The following ADGRL2 variants were observed in gnomAD, a reference collection of about 807,000 sequenced individuals.
ADGRL2 encodes the protein calcium-independent alpha-latrotoxin receptor 2.
ADGRL2 carries 44 observed loss-of-function variants against 157.4 expected under a neutral mutation model. The ratio of observed to expected loss-of-function variants is 0.28; its 90% confidence interval spans 0.22 to 0.36. The LOEUF is 0.36. Ranked by LOEUF, ADGRL2 falls within the 10% of genes least tolerant of loss-of-function variation. The pLI is 1.00. For synonymous variants in ADGRL2, 585 were observed against 624.7 expected, an observed-to-expected ratio of 0.94 and a Z score of 0.95; for missense variants, 1,510 against 1,768.9, an observed-to-expected ratio of 0.85 and a Z score of 2.63.
intron 2 of ADGRL2, among the ~76,000 whole-genome samples, chr1:81,472,487 C>T (rs945959259): frequency 7.2e-5 from 11 of 152,160 alleles, no homozygotes; most frequent in Admixed American, 1.3e-4. Context: ...AAAAATTAGC[C>T]GGGGGTGGTG....
intron 1 of ADGRL2, among the ~76,000 whole-genome samples, chr1:81,737,051 G>A (rs1211196431): frequency 6.6e-6 from 1 of 151,696 alleles, no homozygotes; most frequent in Non-Finnish European, 1.5e-5. Flanking sequence ...AGCCAGCATG[G>A]TCTCGATCTC....
chr1:81,437,083 G>A (rs770346110), intron 1 of ADGRL2, among the ~76,000 whole-genome samples: 26 of 152,074 alleles, frequency 1.7e-4, no homozygotes, highest in Non-Finnish European at 3.4e-4. Context: ...ATTATAATTT[G>A]TTCAATTTAT....
At chr1:81,592,979 A>G (rs2081162618) in intron 3 of ADGRL2, among the ~76,000 whole-genome samples, 1 of 152,150 alleles carries the variant, frequency 6.6e-6, no homozygotes, top group Non-Finnish European at 1.5e-5. Flanking sequence ...ATTTATCCCA[A>G]TTACACTTCT....
intron 2 of ADGRL2, among the ~76,000 whole-genome samples, chr1:81,476,576 G>T (rs1040302226): frequency 6.6e-6 from 1 of 151,954 alleles, no homozygotes; most frequent in African/African-American, 2.4e-5. Context: ...TTGAAACGTT[G>T]TGCCTGCTTA....
At chr1:81,348,677 T>C (rs763388759) in intron 1 of ADGRL2, among the ~76,000 whole-genome samples, 13 of 152,090 alleles carry the variant, frequency 8.5e-5, no homozygotes, top group Non-Finnish European at 1.9e-4. Flanking sequence ...GGTCTAACAA[T>C]GAATAGGTTT....
At chr1:81,514,258 T>G (rs1424154084) in intron 2 of ADGRL2, among the ~76,000 whole-genome samples, 1 of 152,118 alleles carries the variant, frequency 6.6e-6, no homozygotes, top group Admixed American at 6.5e-5. Flanking sequence ...AGAGTATATA[T>G]TTATTGGAGG....
intron 2 of ADGRL2, among the ~76,000 whole-genome samples, chr1:81,520,345 G>A (rs1191322150): frequency 2.0e-5 from 3 of 151,984 alleles, no homozygotes; most frequent in Admixed American, 6.6e-5. Flanking sequence ...AGCTGTGAGT[G>A]ACATAAAAAC....
intron 2 of ADGRL2, among the ~76,000 whole-genome samples, chr1:81,459,900 G>A (rs549642996): frequency 1.3e-5 from 2 of 151,246 alleles, no homozygotes; most frequent in South Asian, 2.1e-4. Context: ...TTTTTAATTT[G>A]GAGTGTTTTA....
chr1:81,869,290 G>A (rs944450466), intron 2 of ADGRL2, among the ~76,000 whole-genome samples: 2 of 151,420 alleles, frequency 1.3e-5, no homozygotes, highest in East Asian at 1.9e-4. Flanking sequence ...AAAGACTGTC[G>A]AGAATATAAA....
intron 3 of ADGRL2, among the ~76,000 whole-genome samples, chr1:81,612,257 T>C (rs1407698754): frequency 6.6e-6 from 1 of 152,078 alleles, no homozygotes; most frequent in African/African-American, 2.4e-5. Flanking sequence ...AAAATGGAAA[T>C]GCAAAGAAGT....
chr1:81,368,886 G>T (rs1005163760), intron 1 of ADGRL2, among the ~76,000 whole-genome samples: 1 of 152,016 alleles, frequency 6.6e-6, no homozygotes, highest in Non-Finnish European at 1.5e-5. Flanking sequence ...GCTCTTATTT[G>T]TCATCCTTTT....
At chr1:81,402,573 C>T (rs1345969467) in intron 1 of ADGRL2, among the ~76,000 whole-genome samples, 1 of 152,202 alleles carries the variant, frequency 6.6e-6, no homozygotes, top group Admixed American at 6.5e-5. Flanking sequence ...AAAACTGCTA[C>T]AACTACTGTG....
At chr1:81,503,769 G>A (rs2078908114) in intron 2 of ADGRL2, among the ~76,000 whole-genome samples, 1 of 152,188 alleles carries the variant, frequency 6.6e-6, no homozygotes, top group Non-Finnish European at 1.5e-5. Flanking sequence ...CCCAGCTCGG[G>A]GCACAGTGTA....
intron 2 of ADGRL2, among the ~76,000 whole-genome samples, chr1:81,528,646 CAAAAAAA>C (rs59842382): frequency 8.8e-4 from 101 of 114,628 alleles, no homozygotes; most frequent in African/African-American, 3.3e-3. Context: ...GACTCCATCT[CAAAAAAA>C]AAAAAAAAAA....
chr1:81,439,058 A>G (rs1307715483), intron 1 of ADGRL2, among the ~76,000 whole-genome samples: 1 of 152,188 alleles, frequency 6.6e-6, no homozygotes, highest in Non-Finnish European at 1.5e-5. Flanking sequence ...ACTCCCAGAG[A>G]ACCTTTTGTA....
intron 1 of ADGRL2, among the ~76,000 whole-genome samples, chr1:81,756,830 TA>T (rs2085707797): frequency 6.6e-6 from 1 of 152,168 alleles, no homozygotes; most frequent in Non-Finnish European, 1.5e-5. Flanking sequence ...TGATAGGCAC[TA>T]AATAAATACT....
intron 1 of ADGRL2, among the ~76,000 whole-genome samples, chr1:81,745,014 T>G (rs1353893783): frequency 1.3e-5 from 2 of 152,160 alleles, no homozygotes; most frequent in Admixed American, 6.5e-5. Flanking sequence ...CATTGAGGAC[T>G]GAGTTGACAA....
chr1:81,678,730 A>G (rs768410655), intron 3 of ADGRL2, among the ~76,000 whole-genome samples: 9 of 152,170 alleles, frequency 5.9e-5, no homozygotes, highest in Non-Finnish European at 1.2e-4. Flanking sequence ...TCTATTAAAC[A>G]GTACAGGCCT....
intron 2 of ADGRL2, among the ~76,000 whole-genome samples, chr1:81,890,710 TG>T (rs2094239922): frequency 7.5e-6 from 1 of 133,652 alleles, no homozygotes; most frequent in Non-Finnish European, 1.6e-5. Flanking sequence ...AAGGGAACTG[TG>T]GTGTAGGGTG....
Sources: gnomAD v4.1 joint callset for allele counts (sites outside exome capture counted in the v4.1 genomes callset) on GRCh38, gnomAD v4.1.1 for gene constraint, MANE v1.5 for transcripts, NCBI Gene and HGNC (gene_info 2026-07-23, HGNC 2026-07-21) for gene names.